Variants in DOP1B observed in about 807,000 individuals in gnomAD.
DOP1B encodes protein DOP1B.
Under a neutral mutation model 233.5 loss-of-function variants are expected in DOP1B, and 174 were observed. The ratio of observed to expected loss-of-function variants is 0.75; its 90% CI spans 0.66 to 0.85. The LOEUF (loss-of-function observed/expected upper bound fraction) is 0.85. Among genes scored for constraint, DOP1B ranks in the 40% least tolerant of loss-of-function variants. The pLI, the probability that DOP1B is intolerant of heterozygous loss-of-function variation, is 0.00. For synonymous variants in DOP1B, 1,190 were observed against 1,185.6 expected (o/e 1.00, Z -0.08); for missense variants, 2,652 against 2,846.6 (o/e 0.93, Z 1.56).
intron 6 of DOP1B, 79 bp downstream of exon 6, chr21:36,211,730 A>G: frequency 1.2e-5 from 17 of 1,468,146 alleles, no homozygotes; most frequent in Non-Finnish European, 1.5e-5. Flanking sequence ...GTTCTGTCGT[A>G]CGAGGACAGC....
chr21:36,179,501 A>G (rs767433501), intron 2 of DOP1B, among the ~76,000 whole-genome samples: 1 of 152,230 alleles, frequency 6.6e-6, no homozygotes, highest in Non-Finnish European at 1.5e-5. Flanking sequence ...ATAGACACAT[A>G]ACATAAAGAT....
At chr21:36,231,699 A>G (rs568684296) in intron 14 of DOP1B, among the ~76,000 whole-genome samples, 216 of 140,958 alleles carry the variant, frequency 1.5e-3, no homozygotes, top group Non-Finnish European at 2.3e-3. Context: ...TTTTTTTGAG[A>G]CAGGGTCTGG....
intron 10 of DOP1B, among the ~76,000 whole-genome samples, chr21:36,220,944 A>T (rs1300577039): frequency 6.6e-6 from 1 of 151,964 alleles, no homozygotes; most frequent in African/African-American, 2.4e-5. Flanking sequence ...CCAAGTAGCT[A>T]CGACTATAGG....
At chr21:36,172,562 A>C (rs2065982177) in intron 2 of DOP1B, among the ~76,000 whole-genome samples, 1 of 151,872 alleles carries the variant, frequency 6.6e-6, no homozygotes, top group Non-Finnish European at 1.5e-5. Flanking sequence ...CAGGAGTTTC[A>C]GACCAGCTTG....
intron 26 of DOP1B, among the ~76,000 whole-genome samples, chr21:36,265,402 CAAAAAACA>C (rs1037264694): frequency 3.5e-5 from 5 of 144,484 alleles, no homozygotes; most frequent in African/African-American, 1.4e-4. Flanking sequence ...GTCTCAAAAA[CAAAAAACA>C]AAAAAACAAA....
intron 2 of DOP1B, among the ~76,000 whole-genome samples, chr21:36,177,723 G>A (rs1473403273): frequency 6.6e-6 from 1 of 152,164 alleles, no homozygotes; most frequent in Non-Finnish European, 1.5e-5. Flanking sequence ...TAGCATGCTC[G>A]GCCTCCTTGC....
At chr21:36,203,511 T>C (rs955554360) in intron 4 of DOP1B, among the ~76,000 whole-genome samples, 4 of 152,076 alleles carry the variant, frequency 2.6e-5, no homozygotes, top group African/African-American at 9.7e-5. Context: ...GAGGTTGCAG[T>C]GAGCCAAGAT....
intron 2 of DOP1B, among the ~76,000 whole-genome samples, chr21:36,194,574 C>T (rs376580083): frequency 6.6e-6 from 1 of 151,300 alleles, no homozygotes; most frequent in East Asian, 2.0e-4. Flanking sequence ...CCAACCTCCA[C>T]CTCCCAGGTT....
intron 15 of DOP1B, among the ~76,000 whole-genome samples, chr21:36,235,824 C>T (rs1031309771): frequency 5.2e-4 from 76 of 145,078 alleles, no homozygotes; most frequent in Admixed American, 8.1e-4. Flanking sequence ...GGAAGGGAGT[C>T]TCTTGCATAT....
chr21:36,180,862 T>G (rs1031730455), intron 2 of DOP1B, among the ~76,000 whole-genome samples: 2 of 151,322 alleles, frequency 1.3e-5, no homozygotes, highest in African/African-American at 2.4e-5. Flanking sequence ...GCCTGGGTTG[T>G]CAGACAGAGT....
chr21:36,233,082 C>G lies in DOP1B; in HGVS notation c.2622+7C>G. ...GAAAACAGATTTCTATCAGGTATTT[C>G]CCACTGGGAACACTCTTCTTATGGC... On this transcript the variant is annotated splice_region_variant and intron_variant, in intron 15 of 36. Transcript: ENST00000691173. 6.2e-7 allele frequency: 1 copy of G among 1,613,454 alleles called. No homozygotes were observed.
rs1173127478 is a variant in DOP1B, at chr21:36,247,546, C to T, written c.4727C>T (p.Pro1576Leu). The change falls in exon 20 of 37, where the codon CCA (proline) becomes CTA (leucine). Residue 1576 changes from proline to leucine, a missense_variant. Pro to Leu is a moderately conservative substitution (Grantham distance 98). Coordinates refer to ENST00000691173, the MANE Select transcript of DOP1B (RefSeq NM_001320714.2). ...STTSKRENIS[P>L]DYPLTLLEGL... ...ACCTCCAAGAGGGAAAACATTTCTCCAGATTATCCACTCACCCTTCTAGAA... is the reference window on the plus strand; with the variant it reads ...ACCTCCAAGAGGGAAAACATTTCTCTAGATTATCCACTCACCCTTCTAGAA... The T allele has an allele frequency of 6.2e-7, 1 of 1,608,236 alleles. No individual in the cohort carries two copies. The highest frequency in any genetic ancestry group is 1.3e-5 in the African/African-American group (1 of 74,598).
At position 36,284,343 on chromosome 21, in the gene DOP1B, T is replaced by C. The variant is rs2067457708; in HGVS notation, c.6160+2732T>C. ...TGGAGTGCAGTGGTGCAATCTCTGC[T>C]CACTGCAATCTCTGCCTCCCGGGTT... On this transcript the variant is annotated intron_variant, in intron 32 of 36. Transcript: ENST00000691173. Among the ~76,000 whole-genome samples, 3 of 142,578 alleles carry C rather than the reference T, an allele frequency of 2.1e-5. No homozygotes were observed. In the South Asian group the frequency reaches 6.6e-4, roughly 32 times the overall value. The allele number at this position is 142,578 out of a possible 152,430, so 93.5% of individuals were successfully genotyped here. A position where few individuals can be genotyped will look rare whatever the true frequency, so the allele number is the denominator to read the frequency against.
intron 2 of DOP1B, among the ~76,000 whole-genome samples, chr21:36,167,756 G>A (rs1271540084): frequency 2.1e-5 from 3 of 139,966 alleles, no homozygotes; most frequent in East Asian, 2.1e-4. Flanking sequence ...CCCTCTCTAC[G>A]GACTTTCCAT....
At chr21:36,259,264 C>CT (rs11411588) in intron 23 of DOP1B, among the ~76,000 whole-genome samples, 76,073 of 136,540 alleles carry the variant, frequency 0.56, 21,109 homozygotes, top group African/African-American at 0.61. Context: ...TGCGCCCGGG[C>CT]TTTTTTTTTT....
At chr21:36,272,984 CAAAAAAAAAAAAA>C (rs1167312513) in intron 27 of DOP1B, among the ~76,000 whole-genome samples, 3 of 56,916 alleles carry the variant, frequency 5.3e-5, no homozygotes, top group African/African-American at 1.5e-4. Flanking sequence ...AACTCCATCT[CAAAAAAAAAAAAA>C]AAAAAAAAAA....
chr21:36,208,345 A>T (rs1167786832), intron 4 of DOP1B, among the ~76,000 whole-genome samples: 1 of 152,190 alleles, frequency 6.6e-6, no homozygotes, highest in Admixed American at 6.5e-5. Flanking sequence ...TTTTCTGTGA[A>T]GTGGCTGACC....
At chr21:36,225,149 C>T (rs527717919) in intron 11 of DOP1B, among the ~76,000 whole-genome samples, 53 of 152,246 alleles carry the variant, frequency 3.5e-4, no homozygotes, top group Non-Finnish European at 6.8e-4. Context: ...ACTACAAAAG[C>T]TGCCTTCCAT....
chr21:36,255,930 T>G (rs1401186434), intron 23 of DOP1B, among the ~76,000 whole-genome samples: 1 of 152,190 alleles, frequency 6.6e-6, no homozygotes, highest in African/African-American at 2.4e-5. Flanking sequence ...CTAGAGAGCT[T>G]CTTCAATTAT....
Sources: allele counts gnomAD v4.1 joint callset (sites outside exome capture counted in the v4.1 genomes callset), GRCh38; gene constraint gnomAD v4.1.1; transcripts MANE v1.5; gene names NCBI Gene and HGNC (gene_info 2026-07-23, HGNC 2026-07-21).